SASH1: variants seen among roughly 807,000 people sequenced by gnomAD.
The protein encoded by SASH1 is SAM and SH3 domain containing 1.
Under a neutral mutation model 125.2 loss-of-function variants are expected in SASH1, and 44 were observed. The observed-to-expected ratio is 0.35, with a 90% CI of 0.28 to 0.45. The LOEUF (loss-of-function observed/expected upper bound fraction) is 0.45. Among genes scored for constraint, SASH1 ranks in the 20% least tolerant of loss-of-function variants. The pLI, the probability that SASH1 is intolerant of heterozygous loss-of-function variation, is 1.00. For synonymous variants in SASH1, 639 were observed against 649.1 expected (o/e 0.98, Z 0.24); for missense variants, 1,426 against 1,614.5 (o/e 0.88, Z 2.00).
At chr6:148,232,918 G>A in the SASH1 span, among the ~76,000 whole-genome samples, 1 of 152,070 alleles carries the variant, frequency 6.6e-6, no homozygotes, top group Admixed American at 6.6e-5. Flanking sequence ...TATGCAGTTG[G>A]TATTCTCTCC....
At chr6:148,477,890 T>A (rs186467125) in intron 7 of SASH1, among the ~76,000 whole-genome samples, 260 of 151,986 alleles carry the variant, frequency 1.7e-3, no homozygotes, top group African/African-American at 6.0e-3. Context: ...AGAGACAGTG[T>A]TTCACCATGT....
the SASH1 span, among the ~76,000 whole-genome samples, chr6:148,224,656 C>T: frequency 3.9e-5 from 6 of 152,066 alleles, no homozygotes; most frequent in East Asian, 1.9e-4. Context: ...CCACTGCACC[C>T]GGCCTCCATT....
intron 1 of SASH1, among the ~76,000 whole-genome samples, chr6:148,337,202 G>A (rs1781184661): frequency 6.8e-6 from 1 of 147,744 alleles, no homozygotes; most frequent in Non-Finnish European, 1.5e-5. Context: ...GACCACAGGT[G>A]CCCACCACTA....
the SASH1 span, among the ~76,000 whole-genome samples, chr6:148,202,582 G>A: frequency 6.6e-6 from 1 of 152,210 alleles, no homozygotes; most frequent in Non-Finnish European, 1.5e-5. Flanking sequence ...GGAGGGTTTA[G>A]GATTGATTAC....
At chr6:148,523,839 A>G (rs1396779223) in intron 10 of SASH1, among the ~76,000 whole-genome samples, 1 of 152,194 alleles carries the variant, frequency 6.6e-6, no homozygotes, top group Non-Finnish European at 1.5e-5. Flanking sequence ...TTCTCAGTAC[A>G]GCCTTAATGA....
chr6:148,526,719 T>A (rs906854602), intron 11 of SASH1, among the ~76,000 whole-genome samples: 1 of 152,218 alleles, frequency 6.6e-6, no homozygotes, highest in Non-Finnish European at 1.5e-5. Flanking sequence ...CTGAGTGCTA[T>A]GGTGATGGAA....
intron 1 of SASH1, among the ~76,000 whole-genome samples, chr6:148,363,594 G>T (rs1340944294): frequency 1.3e-5 from 2 of 152,036 alleles, no homozygotes; most frequent in Admixed American, 6.6e-5. Flanking sequence ...TAGGGACGGG[G>T]TTTCACCATC....
At chr6:148,271,917 C>T (rs1465168381), upstream of SASH1, among the ~76,000 whole-genome samples, 1 of 152,106 alleles carries the variant, frequency 6.6e-6, no homozygotes, top group African/African-American at 2.4e-5. Flanking sequence ...AAACACCGTG[C>T]TGAGAGTTTT....
intron 13 of SASH1, among the ~76,000 whole-genome samples, chr6:148,531,890 A>G (rs982122571): frequency 6.6e-6 from 1 of 152,032 alleles, no homozygotes; most frequent in Non-Finnish European, 1.5e-5. Flanking sequence ...ATCGGAGACA[A>G]TAGGGAAAGC....
chr6:148,367,949 G>T (rs543612759), intron 1 of SASH1, among the ~76,000 whole-genome samples: 2 of 152,346 alleles, frequency 1.3e-5, no homozygotes, highest in East Asian at 3.9e-4. Context: ...GCCTCAGGAA[G>T]AAATAATGGA....
In SASH1 at chr6:148,305,641, A is replaced by AGAAAG. The variant is rs200811697; in HGVS notation, n.74+33264_74+33265insGAAAG. ...TCTGACTCAAAAAAAAAAAAAAAAAAAAAGAAAGAAAGAAAGAAAAGAAAA... is the reference window on the plus strand; with the variant it reads ...TCTGACTCAAAAAAAAAAAAAAAAAAGAAAGAAAGAAAGAAAGAAAGAAAAGAAAA... On this transcript the variant is annotated intron_variant and non_coding_transcript_variant, in intron 1 of 3. Coordinates refer to the SASH1 transcript ENST00000367469. Among the ~76,000 whole-genome samples, 92 of 133,182 alleles carry AGAAAG rather than the reference A, an allele frequency of 6.9e-4. 1 individual carries two copies. The East Asian group carries it at 7.8e-3, about 11-fold the overall frequency. 87.4% of individuals were successfully genotyped at this position (133,182 alleles called of 152,430 possible).
chr6:148,292,500 G>A (rs1779661151), intron 1 of SASH1, among the ~76,000 whole-genome samples: 1 of 152,136 alleles, frequency 6.6e-6, no homozygotes, highest in Admixed American at 6.5e-5. Context: ...CGTGCTTATA[G>A]AAATGCACTG....
intron 7 of SASH1, among the ~76,000 whole-genome samples, chr6:148,483,969 A>G (rs1164413322): frequency 6.6e-6 from 1 of 152,246 alleles, no homozygotes; most frequent in Non-Finnish European, 1.5e-5. Flanking sequence ...CAAAAGAAGC[A>G]GAAAAGAACT....
At chr6:148,335,095 T>C (rs1468547640) in intron 1 of SASH1, among the ~76,000 whole-genome samples, 4 of 149,928 alleles carry the variant, frequency 2.7e-5, no homozygotes, top group African/African-American at 9.8e-5. Context: ...GTCGGGAGTT[T>C]GAGACCAGCC....
chr6:148,368,938 C>A (rs1458238723), intron 1 of SASH1, among the ~76,000 whole-genome samples: 1 of 152,178 alleles, frequency 6.6e-6, no homozygotes, highest in Non-Finnish European at 1.5e-5. Flanking sequence ...TCAAGGCATT[C>A]ATATGATGTG....
At chr6:148,265,861 C>T in the SASH1 span, among the ~76,000 whole-genome samples, 1 of 152,206 alleles carries the variant, frequency 6.6e-6, no homozygotes. Flanking sequence ...ACTAGATCCT[C>T]ATGCTTTTGC....
At chr6:148,513,329 C>T (rs1287054900) in intron 8 of SASH1, 1 of 985,350 alleles carries the variant, frequency 1.0e-6, no homozygotes, top group African/African-American at 1.7e-5. Context: ...TGGAATTGCT[C>T]ACCCACTGCA....
intron 2 of SASH1, among the ~76,000 whole-genome samples, chr6:148,418,650 G>A (rs1784922442): frequency 6.6e-6 from 1 of 152,120 alleles, no homozygotes; most frequent in Non-Finnish European, 1.5e-5. Context: ...TACTTACTCT[G>A]AACCAGGCAC....
At chr6:148,471,300 A>C (rs948327697) in intron 5 of SASH1, 117 bp from the exon 6 acceptor site, 2 of 662,182 alleles carry the variant, frequency 3.0e-6, no homozygotes, top group Non-Finnish European at 5.1e-6. Context: ...CCTTTTGTGA[A>C]ATCAAAGTAT....
Sources: allele counts gnomAD v4.1 joint callset (sites outside exome capture counted in the v4.1 genomes callset), GRCh38; gene constraint gnomAD v4.1.1; transcripts MANE v1.5; gene names NCBI Gene and HGNC (gene_info 2026-07-23, HGNC 2026-07-21).